RASSF4: variants seen among roughly 807,000 people sequenced by gnomAD.
RASSF4 encodes the protein Ras association domain family member 4.
Under a neutral mutation model 41.1 loss-of-function variants are expected in RASSF4, and 38 were observed. The observed-to-expected ratio is 0.92, with a 90% confidence interval of 0.71 to 1.21. RASSF4 has a LOEUF of 1.21. Among genes scored for constraint, RASSF4 ranks in the 50% most tolerant of loss-of-function variants. The pLI, the probability that RASSF4 is intolerant of heterozygous loss-of-function variation, is 0.00. For synonymous variants in RASSF4, 179 were observed against 163.4 expected (o/e 1.10, Z -0.73); for missense variants, 414 against 419.4 (o/e 0.99, Z 0.11).
In RASSF4 at chr10:44,970,232, C is replaced by T. The variant is rs768206066; in HGVS notation, c.30C>T (p.His10=). The T allele has an allele frequency of 1.2e-5, 19 of 1,613,928 alleles. No homozygotes were observed. Among genetic ancestry groups the T allele is most frequent in the African/African-American group, 2.7e-5 (2 of 74,930 alleles). MKEDCLPSS[H]VPISDSKSIQ... is the part of the protein sequence containing the mutation. ...AGGAAGACTGTCTGCCGAGTTCTCA[C>T]GTGCCCATCAGTGACAGCAAGTCCA... is the stretch of plus-strand genomic sequence containing the variant. Residue 10 remains histidine (H), a synonymous_variant, in exon 2 of 11, where the codon CAC becomes CAT. Coordinates refer to ENST00000340258, the MANE Select transcript of RASSF4 (RefSeq NM_032023.4).
At chr10:44,991,471 A>G (rs1314632248) in intron 9 of RASSF4, 1 of 197,526 alleles carries the variant, frequency 5.1e-6, no homozygotes, top group Non-Finnish European at 1.0e-5. Context: ...CTGACCAGAC[A>G]GTGAGTGCAT....
At chr10:44,979,672 T>C (rs1841618700) in intron 3 of RASSF4, among the ~76,000 whole-genome samples, 1 of 151,794 alleles carries the variant, frequency 6.6e-6, no homozygotes, top group African/African-American at 2.4e-5. Context: ...GCCCCTGTGG[T>C]GAGGGCGCGC....
rs1407685996 is a variant in RASSF4, at chr10:44,982,568, G to A, written c.186G>A (p.Gly62=). The A allele has an allele frequency of 1.2e-6, 2 of 1,612,682 alleles. No homozygotes were observed. The highest frequency in any genetic ancestry group is 4.5e-5 in the East Asian group (2 of 44,826). Residue 62 remains glycine (G), a synonymous_variant, in exon 4 of 11, where the codon GGG becomes GGA. Coordinates refer to ENST00000340258, the MANE Select transcript of RASSF4 (RefSeq NM_032023.4). The part of the protein sequence containing the change: ...IIEGLLNIAW[G]LRRPIRLQMQ... ...AGGGGCTCCTCAACATTGCCTGGGG[G>A]CTGAGGCGGCCCATCCGGCTGCAGA...
In RASSF4 at chr10:44,994,523, T is replaced by G. The variant is rs952223387; in HGVS notation, c.*1194T>G. 6.6e-6 allele frequency: 1 copy of G among 152,288 alleles called. No individual in the cohort carries two copies. The highest frequency in any genetic ancestry group is 6.5e-5 in the Admixed American group (1 of 15,270). 9.4% of individuals were successfully genotyped at this position (152,288 alleles called of 1,614,324 possible). ...TCCTTACGGGTGCCCATCAAGAGCA[T>G]AGCTTGGAAGCCACCATGCTGTGCG... On this transcript the variant is annotated 3_prime_UTR_variant, in exon 11 of 11. Coordinates refer to ENST00000340258, the MANE Select transcript of RASSF4 (RefSeq NM_032023.4).
At chr10:44,989,793 C>T in intron 8 of RASSF4, 72 bp downstream of exon 8, 1 of 1,307,186 alleles carries the variant, frequency 7.7e-7, no homozygotes, top group Non-Finnish European at 1.1e-6. Flanking sequence ...CCCTCCCCAC[C>T]AACCACTGAC....
At chr10:44,960,289 G>A (rs1257408557) in intron 1 of RASSF4, among the ~76,000 whole-genome samples, 1 of 152,214 alleles carries the variant, frequency 6.6e-6, no homozygotes, top group Non-Finnish European at 1.5e-5. Context: ...TGTCTGTAGA[G>A]GGCTCGCCTT....
chr10:44,984,647 C>T, intron 5 of RASSF4, 166 bp from the exon 6 acceptor site: 5 of 770,344 alleles, frequency 6.5e-6, no homozygotes, highest in East Asian at 2.5e-5. Context: ...ACCTTCCTAT[C>T]TGCAAGCTGG....
At chr10:44,984,705 C>T in intron 5 of RASSF4, 108 bp from the exon 6 acceptor site, 1 of 1,251,350 alleles carries the variant, frequency 8.0e-7, no homozygotes, top group South Asian at 1.3e-5. Flanking sequence ...CCCCATCTGC[C>T]CCAGTGCACG....
At chr10:44,978,153 T>C in intron 3 of RASSF4, 1 of 1,154,832 alleles carries the variant, frequency 8.7e-7, no homozygotes, top group Non-Finnish European at 1.2e-6. Context: ...AGGAATCCGG[T>C]GCCCTGAGAG....
intron 10 of RASSF4, 132 bp downstream of exon 10, chr10:44,992,134 A>AC (rs1273912314): frequency 1.6e-6 from 1 of 615,184 alleles, no homozygotes; most frequent in Non-Finnish European, 2.9e-6. Context: ...AGGCCTGCTA[A>AC]CCCTAGCTCC....
intron 10 of RASSF4, among the ~76,000 whole-genome samples, chr10:44,992,655 C>A (rs1842160225): frequency 6.6e-6 from 1 of 152,066 alleles, no homozygotes. Context: ...GGTGGGGAGG[C>A]AGCTAGGAAG....
Position 44,977,365 on chromosome 10 carries a change from T to C in RASSF4, c.139-5156T>C, listed in dbSNP as rs754847999. 33 of 1,532,826 alleles carry C rather than the reference T, an allele frequency of 2.2e-5. No individual in the cohort carries two copies. In the Admixed American group the frequency reaches 6.6e-4, roughly 30 times the overall value. 95.0% of individuals were successfully genotyped at this position (1,532,826 alleles called of 1,614,324 possible). On this transcript the variant is annotated intron_variant, in intron 3 of 10. Coordinates refer to ENST00000340258, the MANE Select transcript of RASSF4 (RefSeq NM_032023.4). Reference sequence around the variant, plus strand: ...GAGGAGATGCAGACCCAGCATGCTCTCTACAGAAGCCTTTACTGGGGAGGG... The same window carrying C: ...GAGGAGATGCAGACCCAGCATGCTCCCTACAGAAGCCTTTACTGGGGAGGG...
At chr10:44,978,690 G>C (rs1443953260) in intron 3 of RASSF4, 1 of 152,448 alleles carries the variant, frequency 6.6e-6, no homozygotes, top group African/African-American at 2.4e-5. Flanking sequence ...GGAAGCCCCT[G>C]GGAAGCTTGG....
chr10:44,970,179 GT>G lies in RASSF4; in HGVS notation c.-23del, dbSNP rs1564453035. On this transcript the variant is annotated 5_prime_UTR_variant, in exon 2 of 11. Coordinates refer to ENST00000340258, the MANE Select transcript of RASSF4 (RefSeq NM_032023.4). ...TGTCTTCCCAGCAAGTAACTTCTAG[GT>G]CTGCAGACAAGAGGAAGAGAAGATG... 6.2e-7 allele frequency: 1 copy of G among 1,608,728 alleles called. No homozygotes were observed. Among genetic ancestry groups the G allele is most frequent in the Admixed American group, 1.7e-5 (1 of 60,008 alleles).
intron 3 of RASSF4, among the ~76,000 whole-genome samples, chr10:44,979,350 G>T (rs1005572570): frequency 6.6e-6 from 1 of 152,210 alleles, no homozygotes; most frequent in Non-Finnish European, 1.5e-5. Flanking sequence ...TTGTTTACTT[G>T]TTCACCAGAT....
Position 44,995,341 on chromosome 10 carries a change from T to A in RASSF4, c.*2012T>A, listed in dbSNP as rs1842249072. 1 of 152,100 alleles carries A rather than the reference T, an allele frequency of 6.6e-6. No homozygotes were observed. Among genetic ancestry groups the A allele is most frequent in the South Asian group, 2.1e-4 (1 of 4,814 alleles). 9.4% of individuals were successfully genotyped at this position (152,100 alleles called of 1,614,324 possible). A position where few individuals can be genotyped will look rare whatever the true frequency, so the allele number is the denominator to read the frequency against. ...ACCGGCAAAGCTCCTGGGAGTGAGGTGGAGGCCAAGGCAGAGTTGGCTAAG... is the reference window on the plus strand; with the variant it reads ...ACCGGCAAAGCTCCTGGGAGTGAGGAGGAGGCCAAGGCAGAGTTGGCTAAG... On this transcript the variant is annotated 3_prime_UTR_variant, in exon 11 of 11. Transcript: ENST00000340258.
At chr10:44,964,683 A>T (rs1439807623) in intron 1 of RASSF4, among the ~76,000 whole-genome samples, 2 of 152,204 alleles carry the variant, frequency 1.3e-5, no homozygotes, top group African/African-American at 4.8e-5. Context: ...CAAAGGCCCC[A>T]CCCAGTGCAC....
intron 8 of RASSF4, among the ~76,000 whole-genome samples, 194 bp downstream of exon 8, chr10:44,989,915 C>T (rs1177891960): frequency 2.0e-5 from 3 of 152,218 alleles, no homozygotes; most frequent in Admixed American, 2.0e-4. Flanking sequence ...ACTATGGAAG[C>T]CTTGAGGAAA....
chr10:44,989,656 G>A lies in RASSF4; in HGVS notation c.634-14G>A. On this transcript the variant is annotated splice_polypyrimidine_tract_variant and intron_variant, in intron 7 of 10. Transcript: ENST00000340258. ...CAAGCACCGTGATCTGACTTCCTGT[G>A]ACTGCCTGTGCAGGTGGAAGATGGC... The A allele has an allele frequency of 6.2e-7, 1 of 1,614,002 alleles. No homozygotes were observed. Among genetic ancestry groups the A allele is most frequent in the Non-Finnish European group, 8.5e-7 (1 of 1,179,836 alleles).
Sources: allele counts gnomAD v4.1 joint callset (sites outside exome capture counted in the v4.1 genomes callset), GRCh38; gene constraint gnomAD v4.1.1; transcripts MANE v1.5; gene names NCBI Gene and HGNC (gene_info 2026-07-23, HGNC 2026-07-21).